Variants in PVT1 observed in about 807,000 individuals in gnomAD.
PVT1 encodes the protein CXCR4/PVT1 fusion.
chr8:127,945,727 C>T (rs762385750), intron 3 of PVT1, among the ~76,000 whole-genome samples: 6 of 152,180 alleles, frequency 3.9e-5, no homozygotes, highest in Non-Finnish European at 8.8e-5. Flanking sequence ...TTTTCTGTCA[C>T]GTAGCCATAG....
chr8:127,875,408 CAT>C (rs1195040270), intron 2 of PVT1, among the ~76,000 whole-genome samples: 3 of 151,806 alleles, frequency 2.0e-5, no homozygotes, highest in Admixed American at 6.6e-5. Context: ...CCCTTTTTCA[CAT>C]GTTGTTTTCT....
chr8:128,075,379 A>T (rs763338398), intron 5 of PVT1, among the ~76,000 whole-genome samples: 11 of 152,184 alleles, frequency 7.2e-5, no homozygotes, highest in Non-Finnish European at 1.3e-4. Context: ...CCTGGCACAT[A>T]ATAGATGCTC....
chr8:127,910,895 G>T (rs1273045133), intron 3 of PVT1, among the ~76,000 whole-genome samples: 2 of 136,898 alleles, frequency 1.5e-5, no homozygotes, highest in African/African-American at 5.7e-5. Flanking sequence ...GTGTGTGTTT[G>T]TGTGTGTGTG....
intron 3 of PVT1, among the ~76,000 whole-genome samples, chr8:127,966,088 G>A (rs1158095803): frequency 3.3e-5 from 5 of 152,170 alleles, no homozygotes; most frequent in Non-Finnish European, 7.3e-5. Context: ...GCATTACTTA[G>A]AGTCCCTATA....
intron 4 of PVT1, among the ~76,000 whole-genome samples, chr8:128,005,922 G>A (rs1218932190): frequency 7.9e-5 from 12 of 151,962 alleles, no homozygotes; most frequent in Admixed American, 6.6e-4. Context: ...AGCCAACAAG[G>A]TGAAACCCCA....
intron 4 of PVT1, among the ~76,000 whole-genome samples, chr8:127,997,199 G>T (rs543253781): frequency 6.6e-6 from 1 of 151,810 alleles, no homozygotes; most frequent in Admixed American, 6.6e-5. Flanking sequence ...GCGCCACCAC[G>T]TCCGGCTAAT....
intron 2 of PVT1, among the ~76,000 whole-genome samples, chr8:127,798,397 AC>A (rs1814422472): frequency 1.3e-5 from 2 of 152,106 alleles, no homozygotes; most frequent in South Asian, 4.1e-4. Flanking sequence ...TTAGGCACAA[AC>A]AGAAAGCTGA....
At chr8:127,937,080 G>A (rs568066224) in intron 3 of PVT1, among the ~76,000 whole-genome samples, 18 of 152,298 alleles carry the variant, frequency 1.2e-4, no homozygotes, top group South Asian at 4.1e-4. Context: ...CTTGCAGCCC[G>A]CATCATCCAC....
chr8:128,034,135 A>C (rs1813432217), intron 4 of PVT1, among the ~76,000 whole-genome samples: 1 of 151,382 alleles, frequency 6.6e-6, no homozygotes, highest in Non-Finnish European at 1.5e-5. Flanking sequence ...AGGGAGATAG[A>C]AACAAGATGT....
intron 4 of PVT1, among the ~76,000 whole-genome samples, chr8:128,035,198 G>A (rs931610319): frequency 3.9e-5 from 6 of 152,196 alleles, no homozygotes; most frequent in Non-Finnish European, 5.9e-5. Flanking sequence ...TCCTGCCTGG[G>A]TTCCCAGGAA....
chr8:127,918,001 G>T (rs1019619429), intron 3 of PVT1, among the ~76,000 whole-genome samples: 9 of 152,274 alleles, frequency 5.9e-5, no homozygotes, highest in African/African-American at 2.2e-4. Context: ...CCCCGTAGCA[G>T]ATGAAAGACT....
chr8:128,050,115 T>A (rs886118732), intron 4 of PVT1, among the ~76,000 whole-genome samples: 1 of 152,192 alleles, frequency 6.6e-6, no homozygotes, highest in African/African-American at 2.4e-5. Context: ...CAAGTACTAA[T>A]CTTGCAATCA....
chr8:127,850,466 A>T (rs1815095862), intron 2 of PVT1, among the ~76,000 whole-genome samples: 1 of 152,132 alleles, frequency 6.6e-6, no homozygotes, highest in African/African-American at 2.4e-5. Context: ...TAAAGAAGAT[A>T]ATTAATGATG....
At chr8:128,085,272 T>C (rs1475660846) in intron 5 of PVT1, among the ~76,000 whole-genome samples, 1 of 151,980 alleles carries the variant, frequency 6.6e-6, no homozygotes, top group African/African-American at 2.4e-5. Context: ...CCTTCAAAAG[T>C]CCGCGGCCCG....
intron 3 of PVT1, among the ~76,000 whole-genome samples, chr8:127,954,229 G>A (rs1248147614): frequency 6.6e-6 from 1 of 151,120 alleles, no homozygotes; most frequent in Non-Finnish European, 1.5e-5. Flanking sequence ...TAGAACAGAT[G>A]CTTTGTGATG....
At chr8:128,086,794 G>A (rs556237336) in intron 5 of PVT1, among the ~76,000 whole-genome samples, 63 of 152,324 alleles carry the variant, frequency 4.1e-4, no homozygotes, top group Admixed American at 3.6e-3. Flanking sequence ...GTGGGCCCTG[G>A]CTGCGTTTGG....
rs566177672 is a variant in PVT1 at position 127,817,415 on chromosome 8, T to A, written n.372+21344T>A. ...TAATATATATTAAATAATATATATT[T>A]AAATAGATATATATATATTACAGAC... On this transcript the variant is annotated intron_variant and non_coding_transcript_variant, in intron 2 of 10. Transcript: ENST00000651587. Among the ~76,000 whole-genome samples, 358 of 105,370 alleles carry A rather than the reference T, an allele frequency of 3.4e-3. 1 individual carries two copies. Among genetic ancestry groups the A allele is most frequent in the Admixed American group, 9.1e-3 (88 of 9,720 alleles). The allele number at this position is 105,370 out of a possible 152,430, so 69.1% of individuals were successfully genotyped here.
At chr8:127,961,832 G>GC (rs982777887) in intron 3 of PVT1, among the ~76,000 whole-genome samples, 1 of 152,112 alleles carries the variant, frequency 6.6e-6, no homozygotes, top group African/African-American at 2.4e-5. Flanking sequence ...AGCTCCAGAG[G>GC]CCCCCCCTGC....
intron 4 of PVT1, among the ~76,000 whole-genome samples, chr8:128,014,602 A>G (rs1467171937): frequency 6.6e-6 from 1 of 152,236 alleles, no homozygotes; most frequent in African/African-American, 2.4e-5. Context: ...AACAGAGAAC[A>G]CAGACTTGGC....
Sources: gnomAD v4.1 joint callset for allele counts (sites outside exome capture counted in the v4.1 genomes callset) on GRCh38, gnomAD v4.1.1 for gene constraint, MANE v1.5 for transcripts, NCBI Gene and HGNC (gene_info 2026-07-23, HGNC 2026-07-21) for gene names.